RAB11FIP4: variants seen among roughly 807,000 people sequenced by gnomAD.
RAB11FIP4 encodes rab11 family-interacting protein 4.
Under a neutral mutation model 74.3 loss-of-function variants are expected in RAB11FIP4, and 23 were observed. That is an observed-to-expected ratio of 0.31 (90% CI 0.22 to 0.44). RAB11FIP4 has a LOEUF of 0.44. Among genes scored for constraint, RAB11FIP4 ranks in the 20% least tolerant of loss-of-function variants. The pLI is 1.00. For missense variants in RAB11FIP4, 630 were observed against 863.9 expected (o/e 0.73, Z 3.39); for synonymous variants, 360 against 359.9 (o/e 1.00, Z 0.00).
At chr17:31,448,070 C>T (rs1338429631) in intron 3 of RAB11FIP4, among the ~76,000 whole-genome samples, 1 of 152,074 alleles carries the variant, frequency 6.6e-6, no homozygotes, top group Admixed American at 6.5e-5. Context: ...TCTCGGCCTC[C>T]CAAAATGCTA....
chr17:31,522,128 G>A lies in RAB11FIP4; in HGVS notation c.893+79G>A, dbSNP rs566893329. 1,298 of 1,575,548 alleles carry A rather than the reference G, an allele frequency of 8.2e-4. 18 individuals carry two copies. In the African/African-American group the frequency reaches 0.015, roughly 18 times the overall value. ...TGGAGGGAGAAGCTACGGGCATGGCGAGGCGACCCCTGCTGTCTGGGCAGG... is the reference window on the plus strand; with the variant it reads ...TGGAGGGAGAAGCTACGGGCATGGCAAGGCGACCCCTGCTGTCTGGGCAGG... On this transcript the variant is annotated intron_variant, in intron 6 of 14. Coordinates refer to ENST00000621161, the MANE Select transcript of RAB11FIP4 (RefSeq NM_032932.6).
At chr17:31,487,805 G>A (rs1352018416) in intron 3 of RAB11FIP4, among the ~76,000 whole-genome samples, 1 of 152,014 alleles carries the variant, frequency 6.6e-6, no homozygotes, top group Non-Finnish European at 1.5e-5. Flanking sequence ...GGGCTGCCCT[G>A]AGCTGGGCGC....
rs574300185 is a variant in RAB11FIP4 at position 31,430,397 on chromosome 17, G to A, written c.160-1416G>A. Among the ~76,000 whole-genome samples the A allele has an allele frequency of 2.3e-3, 310 of 136,716 alleles. 1 individual carries two copies. The highest frequency in any genetic ancestry group is 8.0e-3 in the African/African-American group (283 of 35,376). The allele number at this position is 136,716 out of a possible 152,430, so 89.7% of individuals were successfully genotyped here. ...TTTTGAGACAGAGTCTTGCTCAGTCGCCCAGGCTGGAGTGCAGTGGCGTGA... is the reference window on the plus strand; with the variant it reads ...TTTTGAGACAGAGTCTTGCTCAGTCACCCAGGCTGGAGTGCAGTGGCGTGA... On this transcript the variant is annotated intron_variant, in intron 1 of 14. Coordinates refer to ENST00000621161, the MANE Select transcript of RAB11FIP4 (RefSeq NM_032932.6).
At chr17:31,480,793 CAAAAAAA>C (rs36097331) in intron 3 of RAB11FIP4, among the ~76,000 whole-genome samples, 8 of 73,862 alleles carry the variant, frequency 1.1e-4, no homozygotes, top group East Asian at 4.2e-4. Context: ...GACTCCGTCT[CAAAAAAA>C]AAAAAAAAAA....
intron 3 of RAB11FIP4, among the ~76,000 whole-genome samples, chr17:31,446,395 C>G (rs1207722006): frequency 6.6e-6 from 1 of 152,128 alleles, no homozygotes; most frequent in African/African-American, 2.4e-5. Flanking sequence ...CCACCCTTGG[C>G]ATCTCTCAAA....
At chr17:31,392,989 AGGTC>A (rs1340848375) in intron 1 of RAB11FIP4, among the ~76,000 whole-genome samples, 1 of 152,002 alleles carries the variant, frequency 6.6e-6, no homozygotes, top group African/African-American at 2.4e-5. Context: ...TTCCCAGAAC[AGGTC>A]GGACCAGGCA....
Position 31,419,376 on chromosome 17 carries a change from T to A in RAB11FIP4, c.160-12437T>A, listed in dbSNP as rs929221391. Among the ~76,000 whole-genome samples, 8 of 152,022 alleles carry A rather than the reference T, an allele frequency of 5.3e-5. No individual in the cohort carries two copies. In the South Asian group the frequency reaches 6.2e-4, roughly 12 times the overall value. On this transcript the variant is annotated intron_variant, in intron 1 of 14. Transcript: ENST00000621161. ...GATAGGTTTTTCTTCTTTGGTCATGTTTAGATTACATCCATTAGTTTTCAA... is the reference window on the plus strand; with the variant it reads ...GATAGGTTTTTCTTCTTTGGTCATGATTAGATTACATCCATTAGTTTTCAA...
At chr17:31,433,466 T>C (rs1420930248) in intron 2 of RAB11FIP4, among the ~76,000 whole-genome samples, 1 of 152,262 alleles carries the variant, frequency 6.6e-6, no homozygotes, top group East Asian at 1.9e-4. Flanking sequence ...CACTGCAGGC[T>C]GCACCTGCCA....
intron 1 of RAB11FIP4, among the ~76,000 whole-genome samples, chr17:31,415,178 G>A (rs1023291752): frequency 2.0e-5 from 3 of 152,212 alleles, no homozygotes; most frequent in East Asian, 1.9e-4. Flanking sequence ...AGAGCCCCCC[G>A]GAACTGGCTT....
chr17:31,476,627 T>C (rs1349379523), intron 3 of RAB11FIP4, among the ~76,000 whole-genome samples: 1 of 152,214 alleles, frequency 6.6e-6, no homozygotes, highest in Non-Finnish European at 1.5e-5. Context: ...TGTGGCCTTG[T>C]GATCCAGTGG....
intron 3 of RAB11FIP4, among the ~76,000 whole-genome samples, chr17:31,475,930 G>A (rs1287529541): frequency 6.6e-6 from 1 of 151,788 alleles, no homozygotes; most frequent in Non-Finnish European, 1.5e-5. Flanking sequence ...GCTTTGCCCA[G>A]GCATGAGCTA....
At chr17:31,497,272 G>C (rs1204366233) in intron 3 of RAB11FIP4, among the ~76,000 whole-genome samples, 1 of 152,158 alleles carries the variant, frequency 6.6e-6, no homozygotes, top group Non-Finnish European at 1.5e-5. Flanking sequence ...GCTGAGGCAG[G>C]AGAATCGCTG....
intron 3 of RAB11FIP4, among the ~76,000 whole-genome samples, chr17:31,493,925 G>A (rs543805038): frequency 2.0e-5 from 3 of 152,294 alleles, no homozygotes; most frequent in South Asian, 2.1e-4. Context: ...GTGCACACAC[G>A]TGTGTGTTTG....
intron 3 of RAB11FIP4, among the ~76,000 whole-genome samples, chr17:31,445,528 AAT>A: frequency 1.1e-5 from 1 of 90,260 alleles, no homozygotes; most frequent in Non-Finnish European, 2.1e-5. Context: ...AAATTTTCCC[AAT>A]TTTATATATA....
At chr17:31,453,324 C>CCAGCCTGT in intron 3 of RAB11FIP4, among the ~76,000 whole-genome samples, 1 of 140,366 alleles carries the variant, frequency 7.1e-6, no homozygotes, top group Non-Finnish European at 1.5e-5. Context: ...CGACTGCACT[C>CCAGCCTGT]CAGCCTGTAC....
At chr17:31,505,586 T>C (rs2072320849) in intron 3 of RAB11FIP4, among the ~76,000 whole-genome samples, 1 of 77,270 alleles carries the variant, frequency 1.3e-5, no homozygotes, top group Non-Finnish European at 2.4e-5. Context: ...TATATAATAA[T>C]AATTATATAT....
At chr17:31,490,944 G>A (rs1038270355) in intron 3 of RAB11FIP4, among the ~76,000 whole-genome samples, 3 of 152,234 alleles carry the variant, frequency 2.0e-5, no homozygotes, top group Admixed American at 6.5e-5. Context: ...GAACCCCTGG[G>A]GCTGGACTCT....
chr17:31,451,102 G>T (rs955961456), intron 3 of RAB11FIP4, among the ~76,000 whole-genome samples: 2 of 152,228 alleles, frequency 1.3e-5, no homozygotes, highest in Non-Finnish European at 2.9e-5. Context: ...CCTGTGCCCC[G>T]ATGGCCTGCA....
In RAB11FIP4 at chr17:31,534,110, G is replaced by T. The variant is rs2072919222; in HGVS notation, c.*2378G>T. Reference sequence around the variant, plus strand: ...GCCCCTGGCAGATCCCAGACCCCTTGGTGGCAGGTCCCAGAGCCTAGGTGG... The same window carrying T: ...GCCCCTGGCAGATCCCAGACCCCTTTGTGGCAGGTCCCAGAGCCTAGGTGG... On this transcript the variant is annotated 3_prime_UTR_variant, in exon 15 of 15. Coordinates refer to ENST00000621161, the MANE Select transcript of RAB11FIP4 (RefSeq NM_032932.6). 1 of 152,232 alleles carries T rather than the reference G, an allele frequency of 6.6e-6. No homozygotes were observed. The highest frequency in any genetic ancestry group is 1.5e-5 in the Non-Finnish European group (1 of 68,054). 9.4% of individuals were successfully genotyped at this position (152,232 alleles called of 1,614,324 possible). A position where few individuals can be genotyped will look rare whatever the true frequency, so the allele number is the denominator to read the frequency against.
Sources: allele counts gnomAD v4.1 joint callset (sites outside exome capture counted in the v4.1 genomes callset), GRCh38; gene constraint gnomAD v4.1.1; transcripts MANE v1.5; gene names NCBI Gene and HGNC (gene_info 2026-07-23, HGNC 2026-07-21).